The following SUMF1 variants were observed in gnomAD, a reference collection of about 807,000 sequenced individuals.
SUMF1 encodes the protein formylglycine-generating enzyme.
Under a neutral mutation model 47.6 loss-of-function variants are expected in SUMF1, and 48 were observed. The observed-to-expected ratio is 1.01, with a 90% CI of 0.80 to 1.28. SUMF1 has a LOEUF of 1.28. SUMF1 is among the 50% of genes most tolerant of loss of function. The pLI is 0.00. For synonymous variants in SUMF1, 230 were observed against 192.1 expected (o/e 1.20, Z -1.63); for missense variants, 571 against 485.4 (o/e 1.18, Z -1.66).
At chr3:4,364,553 G>C (rs1156863707) in intron 8 of SUMF1, among the ~76,000 whole-genome samples, 1 of 151,094 alleles carries the variant, frequency 6.6e-6, no homozygotes, top group African/African-American at 2.4e-5. Context: ...TTGTATTTCT[G>C]TGGGATCGGT....
intron 8 of SUMF1, among the ~76,000 whole-genome samples, chr3:4,285,971 A>T (rs558158550): frequency 6.6e-6 from 1 of 152,280 alleles, no homozygotes; most frequent in African/African-American, 2.4e-5. Flanking sequence ...GTCCCCCACC[A>T]AGCAAGAAAT....
chr3:4,368,127 A>C (rs1389237430), intron 8 of SUMF1, among the ~76,000 whole-genome samples: 1 of 152,230 alleles, frequency 6.6e-6, no homozygotes, highest in Non-Finnish European at 1.5e-5. Context: ...AATGAAGTCT[A>C]ACAAATTTAC....
intron 8 of SUMF1, among the ~76,000 whole-genome samples, chr3:4,373,055 T>G (rs1256381112): frequency 6.6e-6 from 1 of 152,080 alleles, no homozygotes; most frequent in African/African-American, 2.4e-5. Context: ...CTGACTAAAT[T>G]AAAACAAATC....
chr3:4,171,647 C>G (rs962214095), intron 8 of SUMF1, among the ~76,000 whole-genome samples: 1 of 152,108 alleles, frequency 6.6e-6, no homozygotes, highest in Non-Finnish European at 1.5e-5. Flanking sequence ...AGGCAGTACT[C>G]AACATTGCCC....
intron 8 of SUMF1, among the ~76,000 whole-genome samples, chr3:4,283,134 A>G (rs1478728557): frequency 6.6e-6 from 1 of 152,220 alleles, no homozygotes; most frequent in Admixed American, 6.5e-5. Context: ...GAAATAGCTA[A>G]GGAGAGAAGG....
chr3:4,451,119 G>A (rs1484627930), intron 2 of SUMF1, among the ~76,000 whole-genome samples: 1 of 151,952 alleles, frequency 6.6e-6, no homozygotes, highest in Non-Finnish European at 1.5e-5. Context: ...ATAGTATTAT[G>A]AAGAAAAGTC....
chr3:4,239,639 G>C (rs1487581637), intron 8 of SUMF1, among the ~76,000 whole-genome samples: 1 of 152,200 alleles, frequency 6.6e-6, no homozygotes, highest in African/African-American at 2.4e-5. Context: ...AGACTTTGCT[G>C]AAGTTGCTTA....
At chr3:4,422,017 C>T (rs889697898) in intron 3 of SUMF1, among the ~76,000 whole-genome samples, 19 of 152,162 alleles carry the variant, frequency 1.2e-4, no homozygotes, top group Admixed American at 4.6e-4. Context: ...ATCTCAATCA[C>T]AATTTGATGG....
At chr3:4,111,290 G>A (rs74283050) in intron 8 of SUMF1, among the ~76,000 whole-genome samples, 7,594 of 152,036 alleles carry the variant, frequency 0.05, 523 homozygotes, top group East Asian at 0.16. Context: ...GGTTGAAAAA[G>A]GTCCACATGG....
chr3:4,381,005 G>A (rs1391083512), intron 7 of SUMF1, among the ~76,000 whole-genome samples: 2 of 152,112 alleles, frequency 1.3e-5, no homozygotes, highest in Admixed American at 1.3e-4. Context: ...TAAGGAAGAG[G>A]GGTAGCCAGC....
At chr3:4,230,061 T>C (rs1559591080) in intron 8 of SUMF1, among the ~76,000 whole-genome samples, 1 of 151,860 alleles carries the variant, frequency 6.6e-6, no homozygotes, top group African/African-American at 2.4e-5. Context: ...TGTGAGAATT[T>C]ACGATAGTTT....
chr3:4,449,590 C>G (rs1420366603), intron 2 of SUMF1, among the ~76,000 whole-genome samples: 1 of 152,192 alleles, frequency 6.6e-6, no homozygotes, highest in East Asian at 1.9e-4. Context: ...ACAAGATTAG[C>G]TTTTGAGAAC....
chr3:4,416,343 T>G (rs777830134), intron 6 of SUMF1, among the ~76,000 whole-genome samples: 1 of 152,136 alleles, frequency 6.6e-6, no homozygotes, highest in Non-Finnish European at 1.5e-5. Context: ...GTAAATACAT[T>G]GGGGTTTATT....
rs188054029 is a variant in SUMF1, at chr3:4,145,217, A to G, written c.1015-76472T>C. Among the ~76,000 whole-genome samples, 115 of 143,444 alleles carry G rather than the reference A, an allele frequency of 8.0e-4. 1 individual carries two copies. The highest frequency in any genetic ancestry group is 3.4e-4 in the Non-Finnish European group (22 of 65,198). The allele number at this position is 143,444 out of a possible 152,430, so 94.1% of individuals were successfully genotyped here. ...AAAAAAAAAAAAAAAAAAAAAAGCC[A>G]TCTCCTACAGTCATGCATGTAATAC... On this transcript the variant is annotated intron_variant and NMD_transcript_variant, in intron 8 of 12. Coordinates refer to the SUMF1 transcript ENST00000448413.
At chr3:4,229,889 T>C (rs922725247) in intron 8 of SUMF1, among the ~76,000 whole-genome samples, 2 of 152,004 alleles carry the variant, frequency 1.3e-5, no homozygotes, top group Non-Finnish European at 2.9e-5. Flanking sequence ...GGCATGCACC[T>C]AGAGTTCCAG....
chr3:4,253,582 T>G (rs1282200817), intron 8 of SUMF1, among the ~76,000 whole-genome samples: 1 of 151,694 alleles, frequency 6.6e-6, no homozygotes, highest in Non-Finnish European at 1.5e-5. Flanking sequence ...ACCATGAGAC[T>G]ATATCCCACA....
intron 8 of SUMF1, among the ~76,000 whole-genome samples, chr3:4,354,157 C>T (rs1037894950): frequency 2.6e-5 from 4 of 152,176 alleles, no homozygotes; most frequent in African/African-American, 9.7e-5. Flanking sequence ...GCCCAGCCCC[C>T]ATCTTGATTT....
intron 8 of SUMF1, among the ~76,000 whole-genome samples, chr3:4,138,525 G>A (rs1693997193): frequency 1.3e-5 from 2 of 152,074 alleles, no homozygotes; most frequent in Non-Finnish European, 2.9e-5. Flanking sequence ...TCAGCCACAT[G>A]GACAGTATGT....
At chr3:4,090,836 A>G (rs1444972929) in intron 8 of SUMF1, among the ~76,000 whole-genome samples, 2 of 152,080 alleles carry the variant, frequency 1.3e-5, no homozygotes, top group Non-Finnish European at 2.9e-5. Context: ...CATTTATTTC[A>G]ATGCTTAATA....
Sources: gnomAD v4.1 joint callset for allele counts (sites outside exome capture counted in the v4.1 genomes callset) on GRCh38, gnomAD v4.1.1 for gene constraint, MANE v1.5 for transcripts, NCBI Gene and HGNC (gene_info 2026-07-23, HGNC 2026-07-21) for gene names.